The following KCNN2 variants were observed in gnomAD, a reference collection of about 807,000 sequenced individuals.
KCNN2 encodes potassium calcium-activated channel subfamily N member 2.
Under a neutral mutation model 55.5 loss-of-function variants are expected in KCNN2, and 24 were observed. The observed-to-expected ratio is 0.43, with a 90% CI of 0.31 to 0.61. The LOEUF (loss-of-function observed/expected upper bound fraction) is 0.61, where lower values mean the gene tolerates loss of function less well. Among genes scored for constraint, KCNN2 ranks in the 20% least tolerant of loss-of-function variants. KCNN2 has a pLI of 0.08. For synonymous variants in KCNN2, 431 were observed against 336.1 expected (o/e 1.28, Z -3.09); for missense variants, 754 against 853.6 (o/e 0.88, Z 1.45).
At chr5:114,140,970 G>C (rs1264367862) in intron 1 of KCNN2, among the ~76,000 whole-genome samples, 1 of 151,616 alleles carries the variant, frequency 6.6e-6, no homozygotes, top group African/African-American at 2.4e-5. Context: ...TGTATTTTTA[G>C]TAGAGACGGG....
intron 5 of KCNN2, among the ~76,000 whole-genome samples, chr5:114,480,867 C>T (rs11241281): frequency 0.37 from 56,108 of 151,864 alleles, 11,648 homozygotes; most frequent in Middle Eastern, 0.47. Flanking sequence ...GAACATACCT[C>T]AAAATAATAA....
At position 114,495,959 on chromosome 5, in the gene KCNN2, G is replaced by A; in HGVS notation, c.2153G>A (p.Arg718Lys). 2 of 1,614,068 alleles carry A rather than the reference G, an allele frequency of 1.2e-6. No homozygotes were observed. The highest frequency in any genetic ancestry group is 1.7e-6 in the Non-Finnish European group (2 of 1,179,958). Reference sequence around the variant, plus strand: ...GAAAGGAGTGAAGACTTCGAGAAGAGGATTGTTACCCTGGAAACAAAACTA... The same window carrying A: ...GAAAGGAGTGAAGACTTCGAGAAGAAGATTGTTACCCTGGAAACAAAACTA... ...LNERSEDFEKRIVTLETKLET... is the reference protein window; with the variant it reads ...LNERSEDFEKKIVTLETKLET... Residue 718 changes from arginine to lysine, a missense_variant, in exon 8 of 8, where the codon AGG (arginine) becomes AAG (lysine). Physicochemically the swap from Arg to Lys is conservative, Grantham distance 26. Transcript: ENST00000673685.
intron 1 of KCNN2, among the ~76,000 whole-genome samples, chr5:114,148,517 G>A (rs1752450849): frequency 6.6e-6 from 1 of 152,160 alleles, no homozygotes. Flanking sequence ...AGGAAGAGAA[G>A]GAGAGTGAGG....
At chr5:114,294,645 G>A (rs1452235725) in intron 2 of KCNN2, among the ~76,000 whole-genome samples, 1 of 152,112 alleles carries the variant, frequency 6.6e-6, no homozygotes, top group East Asian at 1.9e-4. Context: ...GGTGTGGTGT[G>A]GTGCTGAAAA....
intron 2 of KCNN2, among the ~76,000 whole-genome samples, chr5:114,342,215 T>TTA (rs1757030181): frequency 1.3e-5 from 2 of 151,928 alleles, no homozygotes; most frequent in South Asian, 4.2e-4. Flanking sequence ...ATTTTTTTTT[T>TTA]AAATTATATC....
At chr5:114,255,215 G>A (rs1354409819) in intron 2 of KCNN2, among the ~76,000 whole-genome samples, 1 of 152,180 alleles carries the variant, frequency 6.6e-6, no homozygotes, top group African/African-American at 2.4e-5. Flanking sequence ...ACCCGAGACA[G>A]AGAGACATAT....
At chr5:114,169,827 G>A (rs1752995964) in intron 1 of KCNN2, among the ~76,000 whole-genome samples, 1 of 152,122 alleles carries the variant, frequency 6.6e-6, no homozygotes, top group Admixed American at 6.6e-5. Context: ...TTAGAGAACT[G>A]AGTATTTAAT....
intron 2 of KCNN2, among the ~76,000 whole-genome samples, chr5:114,385,282 A>G (rs1028410372): frequency 1.3e-5 from 2 of 151,004 alleles, no homozygotes; most frequent in African/African-American, 2.4e-5. Flanking sequence ...TCATAACATC[A>G]CAGAAGTTAG....
intron 1 of KCNN2, among the ~76,000 whole-genome samples, chr5:114,175,453 A>C (rs1753115850): frequency 6.6e-6 from 1 of 152,206 alleles, no homozygotes; most frequent in African/African-American, 2.4e-5. Context: ...TCAAAGGTAA[A>C]TAACATTTAT....
chr5:114,178,952 TG>T (rs1302420715), intron 1 of KCNN2, among the ~76,000 whole-genome samples: 1 of 152,184 alleles, frequency 6.6e-6, no homozygotes, highest in Non-Finnish European at 1.5e-5. Flanking sequence ...AATATGAATA[TG>T]GTCTAGCCCC....
chr5:114,358,099 C>A (rs904532696), upstream of KCNN2, among the ~76,000 whole-genome samples: 1 of 150,920 alleles, frequency 6.6e-6, no homozygotes, highest in African/African-American at 2.4e-5. Flanking sequence ...AAATGTCTTC[C>A]TTTATGCAGC....
chr5:114,211,425 C>G (rs114578052), intron 1 of KCNN2, among the ~76,000 whole-genome samples: 1,711 of 152,220 alleles, frequency 0.011, 22 homozygotes, highest in Non-Finnish European at 0.014. Flanking sequence ...ATGGATGGAG[C>G]TGGAGGCCAT....
At chr5:114,267,464 A>G (rs1755233803) in intron 2 of KCNN2, among the ~76,000 whole-genome samples, 1 of 152,102 alleles carries the variant, frequency 6.6e-6, no homozygotes, top group Non-Finnish European at 1.5e-5. Flanking sequence ...AGGGTGGGCA[A>G]TATCACTGAT....
chr5:114,410,522 G>A lies in KCNN2; in HGVS notation c.1637+5666G>A, dbSNP rs576687944. ...GCCATGCTTTCTGGGAAACATACTT[G>A]ACATATGACAATACTGAAGTTTTGG... On this transcript the variant is annotated intron_variant, in intron 3 of 7. Transcript: ENST00000673685. 8.5e-4 allele frequency among the ~76,000 whole-genome samples: 130 copies of A among 152,252 alleles called. 2 individuals carry two copies. The highest frequency in any genetic ancestry group is 2.9e-3 in the African/African-American group (122 of 41,554).
At chr5:114,407,255 C>T (rs551953216) in intron 3 of KCNN2, among the ~76,000 whole-genome samples, 2 of 150,988 alleles carry the variant, frequency 1.3e-5, no homozygotes, top group South Asian at 2.1e-4. Flanking sequence ...TAGATAATGG[C>T]CCTCCTATAT....
intron 6 of KCNN2, chr5:114,490,551 A>G (rs962029241): frequency 3.6e-5 from 14 of 394,354 alleles, no homozygotes; most frequent in Admixed American, 1.3e-4. Context: ...AAAATCCTGC[A>G]GAACCATAAC....
At chr5:114,401,752 C>T (rs543538578) in intron 2 of KCNN2, among the ~76,000 whole-genome samples, 3 of 152,174 alleles carry the variant, frequency 2.0e-5, no homozygotes, top group African/African-American at 7.2e-5. Context: ...ACAGAATGTA[C>T]GAAGACCCAG....
chr5:114,115,736 A>T (rs1751696505), intron 1 of KCNN2, among the ~76,000 whole-genome samples: 1 of 152,042 alleles, frequency 6.6e-6, no homozygotes, highest in Non-Finnish European at 1.5e-5. Flanking sequence ...TGTAGTAGAC[A>T]TCTTTTAGGG....
At chr5:114,471,106 C>A (rs1182858186) in intron 4 of KCNN2, among the ~76,000 whole-genome samples, 1 of 152,122 alleles carries the variant, frequency 6.6e-6, no homozygotes, top group African/African-American at 2.4e-5. Flanking sequence ...TCCTGTCTTG[C>A]TTTGAAATAC....
Sources: gnomAD v4.1 joint callset for allele counts (sites outside exome capture counted in the v4.1 genomes callset) on GRCh38, gnomAD v4.1.1 for gene constraint, MANE v1.5 for transcripts, NCBI Gene and HGNC (gene_info 2026-07-23, HGNC 2026-07-21) for gene names.